Variants in LRRC9 observed in about 807,000 individuals in gnomAD.
LRRC9 encodes leucine-rich repeat-containing protein 9.
LRRC9 carries 122 observed loss-of-function variants against 63.2 expected under a neutral mutation model. That is an observed-to-expected ratio of 1.93 (90% CI 1.67 to 2.24). The LOEUF is 2.24. Among genes scored for constraint, LRRC9 ranks in the 30% most tolerant of loss-of-function variants. The pLI is 0.00. For synonymous variants in LRRC9, 366 were observed against 213.1 expected, an observed-to-expected ratio of 1.72 and a Z score of -6.25; for missense variants, 1,071 against 627.7, an observed-to-expected ratio of 1.71 and a Z score of -7.55.
At chr14:59,967,030 T>C in intron 11 of LRRC9, 66 bp from the exon 12 acceptor site, 2 of 562,634 alleles carry the variant, frequency 3.6e-6, no homozygotes, top group Non-Finnish European at 6.5e-6. Context: ...CATATGGTTA[T>C]CTTATCTATG....
At position 60,049,974 on chromosome 14, in the gene LRRC9, A is replaced by G. The variant is rs530239937; in HGVS notation, c.3991-3091A>G. On this transcript the variant is annotated intron_variant, in intron 29 of 31. Transcript: ENST00000445360. ...CATGCCTTTTTGTTCTTTTTTCTCTAATCTTTTCTATCTGTCATTTTATTT... is the reference window on the plus strand; with the variant it reads ...CATGCCTTTTTGTTCTTTTTTCTCTGATCTTTTCTATCTGTCATTTTATTT... Among the ~76,000 whole-genome samples, 5 of 151,632 alleles carry G rather than the reference A, an allele frequency of 3.3e-5. 1 individual carries two copies. The South Asian group carries it at 8.4e-4, about 25-fold the overall frequency.
In LRRC9 at chr14:60,016,798, C is replaced by A; in HGVS notation, c.3317+8C>A. The A allele has an allele frequency of 3.0e-6, 2 of 673,858 alleles. No homozygotes were observed. The allele number at this position is 673,858 out of a possible 1,614,324, so 41.7% of individuals were successfully genotyped here. On this transcript the variant is annotated splice_region_variant and intron_variant, in intron 24 of 31. Coordinates refer to ENST00000445360, the Ensembl canonical transcript of LRRC9. ...GACTTCATCATCTATTAGGTACAATCATTTTATTATATGCCTTTTTACATT... is the reference window on the plus strand; with the variant it reads ...GACTTCATCATCTATTAGGTACAATAATTTTATTATATGCCTTTTTACATT...
intron 17 of LRRC9, among the ~76,000 whole-genome samples, chr14:59,995,656 C>A (rs1014039875): frequency 1.3e-5 from 2 of 151,772 alleles, no homozygotes; most frequent in Admixed American, 1.3e-4. Flanking sequence ...TTCCTGGAAT[C>A]TGTTTTATAT....
exon 6 of LRRC9, chr14:59,931,986 A>T: frequency 4.3e-6 from 3 of 700,504 alleles, no homozygotes; most frequent in South Asian, 3.0e-5. Context: ...TCTTGACTCC[A>T]ATGAACAACT....
intron 16 of LRRC9, 111 bp downstream of exon 16, chr14:59,982,171 A>G (rs1887002127): frequency 5.0e-6 from 3 of 604,320 alleles, no homozygotes; most frequent in Non-Finnish European, 8.7e-6. Context: ...TGCCAGGTAC[A>G]ATGCTACCTA....
In LRRC9 at chr14:60,031,535, T is replaced by C. The variant is rs926372099; in HGVS notation, c.3922-460T>C. Reference sequence around the variant, plus strand: ...AACATGAGAAATAGTTTTTCAGCTATATATATTCCCAGCAAGTACATCAAG... The same window carrying C: ...AACATGAGAAATAGTTTTTCAGCTACATATATTCCCAGCAAGTACATCAAG... On this transcript the variant is annotated intron_variant, in intron 28 of 31. Transcript: ENST00000445360. The surrounding 1 kb of genome is among the most constrained non-coding windows in gnomAD (Gnocchi z 4.6). Among the ~76,000 whole-genome samples the C allele has an allele frequency of 6.6e-6, 1 of 152,092 alleles. No homozygotes were observed. Among genetic ancestry groups the C allele is most frequent in the Non-Finnish European group, 1.5e-5 (1 of 67,958 alleles).
At chr14:59,954,611 A>G (rs572247439) in intron 8 of LRRC9, among the ~76,000 whole-genome samples, 1 of 152,326 alleles carries the variant, frequency 6.6e-6, no homozygotes, top group Non-Finnish European at 1.5e-5. Context: ...GCAAACAGAG[A>G]CAATTTGACT....
intron 7 of LRRC9, among the ~76,000 whole-genome samples, chr14:59,941,396 C>CT (rs572520168): frequency 2.9e-4 from 44 of 150,108 alleles, no homozygotes; most frequent in South Asian, 2.3e-3. Context: ...ATGTTTTAAT[C>CT]TTTTTTTTTA....
At chr14:60,063,570 T>C (rs1894792524), downstream of LRRC9, 2 of 450,014 alleles carry the variant, frequency 4.4e-6, no homozygotes, top group Non-Finnish European at 7.9e-6. Context: ...TTTATGGTTA[T>C]CTTTAGTTAT....
chr14:59,951,115 C>T (rs1414812525), intron 8 of LRRC9, among the ~76,000 whole-genome samples: 19 of 62,890 alleles, frequency 3.0e-4, no homozygotes, highest in Non-Finnish European at 3.4e-4. Context: ...TTCCATTCTC[C>T]GCATCACTTT....
rs1886074319 is a variant in LRRC9 at position 59,975,127 on chromosome 14, G to GTGTATATATA, written c.1639+420_1639+421insGTATATATAT. 2.2e-4 allele frequency among the ~76,000 whole-genome samples: 2 copies of GTGTATATATA among 9,148 alleles called. 1 individual carries two copies. Among genetic ancestry groups the GTGTATATATA allele is most frequent in the African/African-American group, 4.2e-4 (2 of 4,740 alleles). 6.0% of individuals were successfully genotyped at this position (9,148 alleles called of 152,430 possible). A position where few individuals can be genotyped will look rare whatever the true frequency, so the allele number is the denominator to read the frequency against. ...CATATATATATGTATATATATATAT[G>GTGTATATATA]TATATATATATACATATATATATGT... On this transcript the variant is annotated intron_variant, in intron 13 of 31. Coordinates refer to ENST00000445360, the Ensembl canonical transcript of LRRC9.
In LRRC9 at chr14:60,031,735, T is replaced by G. The variant is rs1892010730; in HGVS notation, c.3922-260T>G. On this transcript the variant is annotated intron_variant, in intron 28 of 31. Transcript: ENST00000445360. This position sits in a 1 kb window ranked among gnomAD's most constrained non-coding sequence, Gnocchi z 4.6. ...AAATCATAATTCTGAGAAAAAAATT[T>G]GATCTTTTCTTGCAAGTGCTGCTAT... 6.6e-6 allele frequency among the ~76,000 whole-genome samples: 1 copy of G among 152,094 alleles called. No individual in the cohort carries two copies. Among genetic ancestry groups the G allele is most frequent in the Admixed American group, 6.6e-5 (1 of 15,238 alleles).
rs1887469871 is a variant in LRRC9, at chr14:59,986,340, T to C, written c.2211+1116T>C. ...ATATATCATCATTTTCAGCTCTTAT[T>C]CATTCTTTATTCCAGCTCCTTGCTA... is the stretch of plus-strand genomic sequence containing the variant. On this transcript the variant is annotated intron_variant, in intron 17 of 31. Transcript: ENST00000445360. This position sits in a 1 kb window ranked among gnomAD's most constrained non-coding sequence, Gnocchi z 4.7. Among the ~76,000 whole-genome samples, 1 of 152,212 alleles carries C rather than the reference T, an allele frequency of 6.6e-6. No homozygotes were observed. Among genetic ancestry groups the C allele is most frequent in the African/African-American group, 2.4e-5 (1 of 41,466 alleles).
At chr14:59,955,366 T>A (rs1883626057) in intron 8 of LRRC9, among the ~76,000 whole-genome samples, 1 of 152,194 alleles carries the variant, frequency 6.6e-6, no homozygotes, top group South Asian at 2.1e-4. Flanking sequence ...TCTGGTTTAG[T>A]CTTGGGAGGG....
intron 23 of LRRC9, among the ~76,000 whole-genome samples, chr14:60,015,475 T>C (rs1197194165): frequency 6.6e-6 from 1 of 152,170 alleles, no homozygotes; most frequent in Non-Finnish European, 1.5e-5. Context: ...AGGTGGGAGA[T>C]AGAAGTTCAA....
At chr14:60,010,290 A>G (rs558710751) in intron 23 of LRRC9, among the ~76,000 whole-genome samples, 1 of 152,284 alleles carries the variant, frequency 6.6e-6, no homozygotes, top group Non-Finnish European at 1.5e-5. Flanking sequence ...ACTTCTGTGT[A>G]CCCACAGGAC....
At chr14:60,025,037 TTG>T (rs1891420718) in intron 27 of LRRC9, among the ~76,000 whole-genome samples, 2 of 151,868 alleles carry the variant, frequency 1.3e-5, no homozygotes, top group Admixed American at 6.6e-5. Context: ...ATTTTTGTTT[TTG>T]TGTTTTTTTC....
chr14:59,997,724 G>T, exon 18 of LRRC9: 1 of 702,648 alleles, frequency 1.4e-6, no homozygotes, highest in Non-Finnish European at 2.6e-6. Flanking sequence ...GAGGTCTGAT[G>T]AAACTGAAGC....
In LRRC9 at chr14:60,017,180, G is replaced by C. The variant is rs1027479644; in HGVS notation, c.3317+390G>C. On this transcript the variant is annotated intron_variant, in intron 24 of 31. Coordinates refer to ENST00000445360, the Ensembl canonical transcript of LRRC9. This position sits in a 1 kb window ranked among gnomAD's most constrained non-coding sequence, Gnocchi z 4.0. ...TTTCAGGTGTGAGCCACTGTGCCCA[G>C]CCTAAAATTAAAAATTCCTTTGTAT... is the stretch of plus-strand genomic sequence containing the variant. 4.6e-5 allele frequency among the ~76,000 whole-genome samples: 7 copies of C among 152,016 alleles called. No individual in the cohort carries two copies. The highest frequency in any genetic ancestry group is 1.7e-4 in the African/African-American group (7 of 41,404).
Sources: gnomAD v4.1 joint callset for allele counts (sites outside exome capture counted in the v4.1 genomes callset) on GRCh38, gnomAD v4.1.1 for gene constraint, Gnocchi (gnomAD v3.1) non-coding constraint, MANE v1.5 for transcripts, NCBI Gene and HGNC (gene_info 2026-07-23, HGNC 2026-07-21) for gene names.